PTPRD: variants seen among roughly 807,000 people sequenced by gnomAD.
The protein encoded by PTPRD is protein tyrosine phosphatase receptor type D.
Under a neutral mutation model 214.5 loss-of-function variants are expected in PTPRD, and 34 were observed. That is an observed-to-expected ratio of 0.16 (90% CI 0.12 to 0.21). PTPRD has a LOEUF of 0.21. PTPRD is among the 10% of genes least tolerant of loss of function. The pLI, the probability that PTPRD is intolerant of heterozygous loss-of-function variation, is 1.00. For missense variants in PTPRD, 2,545 were observed against 2,398.7 expected (o/e 1.06, Z -1.27); for synonymous variants, 1,128 against 845.7 (o/e 1.33, Z -5.79).
At chr9:10,187,772 T>C (rs911328350) in intron 3 of PTPRD, among the ~76,000 whole-genome samples, 1 of 152,208 alleles carries the variant, frequency 6.6e-6, no homozygotes, top group African/African-American at 2.4e-5. Flanking sequence ...TAACTATTTG[T>C]AGCTGACCCC....
At chr9:10,136,308 C>A (rs907186011) in intron 3 of PTPRD, among the ~76,000 whole-genome samples, 1 of 151,998 alleles carries the variant, frequency 6.6e-6, no homozygotes, top group Non-Finnish European at 1.5e-5. Context: ...GTTCCACTAA[C>A]AGTGCTAGAT....
At chr9:9,641,397 T>G (rs1430437139) in intron 7 of PTPRD, among the ~76,000 whole-genome samples, 1 of 152,160 alleles carries the variant, frequency 6.6e-6, no homozygotes, top group Admixed American at 6.5e-5. Context: ...TCCACATCCC[T>G]TTCTTCAAAT....
chr9:8,755,074 A>T (rs1598806576), intron 11 of PTPRD, among the ~76,000 whole-genome samples: 1 of 152,198 alleles, frequency 6.6e-6, no homozygotes, highest in Non-Finnish European at 1.5e-5. Flanking sequence ...GGAAGGTTGC[A>T]GTGCAAATTA....
intron 11 of PTPRD, among the ~76,000 whole-genome samples, chr9:8,869,305 C>G (rs2098253302): frequency 6.6e-6 from 1 of 152,120 alleles, no homozygotes; most frequent in African/African-American, 2.4e-5. Flanking sequence ...CAATTTACAA[C>G]TAGGACACAT....
At chr9:8,583,597 C>T (rs556635718) in intron 14 of PTPRD, among the ~76,000 whole-genome samples, 1 of 152,236 alleles carries the variant, frequency 6.6e-6, no homozygotes, top group South Asian at 2.1e-4. Flanking sequence ...AGTTTGAAAA[C>T]ATGAAAACCT....
At chr9:9,029,646 G>A (rs1428159992) in intron 10 of PTPRD, among the ~76,000 whole-genome samples, 1 of 151,936 alleles carries the variant, frequency 6.6e-6, no homozygotes, top group East Asian at 1.9e-4. Flanking sequence ...CAAGGAGAAT[G>A]ATGATGGAAT....
intron 4 of PTPRD, among the ~76,000 whole-genome samples, chr9:10,004,723 C>T (rs892704955): frequency 6.6e-6 from 1 of 151,834 alleles, no homozygotes; most frequent in Non-Finnish European, 1.5e-5. Flanking sequence ...TTTATAAACA[C>T]CAAACTTTAT....
intron 34 of PTPRD, among the ~76,000 whole-genome samples, chr9:8,440,343 T>A (rs1187592004): frequency 6.6e-6 from 1 of 151,496 alleles, no homozygotes; most frequent in East Asian, 1.9e-4. Flanking sequence ...TGAGATGTAG[T>A]CTCACTCTGT....
intron 17 of PTPRD, 52 bp downstream of exon 17, chr9:8,526,575 G>C (rs1393729719): frequency 1.2e-5 from 18 of 1,464,554 alleles, no homozygotes; most frequent in East Asian, 2.4e-5. Flanking sequence ...GGGATGAAAG[G>C]ACAGAAAGAA....
At chr9:9,712,055 C>T (rs934106258) in intron 7 of PTPRD, among the ~76,000 whole-genome samples, 16 of 151,544 alleles carry the variant, frequency 1.1e-4, no homozygotes, top group Non-Finnish European at 2.1e-4. Flanking sequence ...CTTAGCAAAA[C>T]TCAAAAATTT....
chr9:8,555,592 C>T (rs930819462), intron 14 of PTPRD, among the ~76,000 whole-genome samples: 1 of 152,234 alleles, frequency 6.6e-6, no homozygotes, highest in Non-Finnish European at 1.5e-5. Flanking sequence ...GCAGCAGTAT[C>T]ATCAGCCTTG....
chr9:10,123,351 A>AT (rs1301273667), intron 3 of PTPRD, among the ~76,000 whole-genome samples: 1 of 152,138 alleles, frequency 6.6e-6, no homozygotes, highest in Non-Finnish European at 1.5e-5. Flanking sequence ...AACATTTAAG[A>AT]TTTTCTAGAC....
intron 7 of PTPRD, among the ~76,000 whole-genome samples, chr9:9,720,973 G>A (rs2097925955): frequency 6.6e-6 from 1 of 152,046 alleles, no homozygotes; most frequent in Non-Finnish European, 1.5e-5. Context: ...ACACACTGGA[G>A]ACTATTTGAG....
chr9:9,191,353 C>T (rs1209169026), intron 9 of PTPRD, among the ~76,000 whole-genome samples: 1 of 152,024 alleles, frequency 6.6e-6, no homozygotes, highest in Non-Finnish European at 1.5e-5. Flanking sequence ...GAGTGTGGAT[C>T]TTCTTTCATT....
At chr9:8,340,301 G>A (rs148055998) in intron 42 of PTPRD, 42 bp downstream of exon 42, 3 of 1,540,920 alleles carry the variant, frequency 1.9e-6, no homozygotes, top group Non-Finnish European at 2.7e-6. Flanking sequence ...TCTCCACAGA[G>A]TAAATGTCTT....
chr9:10,067,653 A>C (rs2097910229), intron 3 of PTPRD, among the ~76,000 whole-genome samples: 3 of 151,874 alleles, frequency 2.0e-5, no homozygotes, highest in African/African-American at 7.2e-5. Flanking sequence ...CAGGCAAAGA[A>C]GGGTAGGTAA....
chr9:10,546,735 G>A (rs548978308), intron 2 of PTPRD, among the ~76,000 whole-genome samples: 1 of 151,982 alleles, frequency 6.6e-6, no homozygotes, highest in African/African-American at 2.4e-5. Flanking sequence ...CCTATAGAAA[G>A]GGTTCTAGCA....
chr9:8,986,893 T>C (rs1291006348), intron 11 of PTPRD, among the ~76,000 whole-genome samples: 2 of 152,116 alleles, frequency 1.3e-5, no homozygotes, highest in Non-Finnish European at 2.9e-5. Context: ...GAAAGTGATG[T>C]ACTACTTTAA....
intron 5 of PTPRD, among the ~76,000 whole-genome samples, chr9:9,929,328 C>A (rs2085515998): frequency 6.6e-6 from 1 of 152,212 alleles, no homozygotes; most frequent in African/African-American, 2.4e-5. Flanking sequence ...AGCCCTTCCT[C>A]TATACCCCTT....
Sources: gnomAD v4.1 joint callset for allele counts (sites outside exome capture counted in the v4.1 genomes callset) on GRCh38, gnomAD v4.1.1 for gene constraint, MANE v1.5 for transcripts, NCBI Gene and HGNC (gene_info 2026-07-23, HGNC 2026-07-21) for gene names.